RBFOX1: variants seen among roughly 807,000 people sequenced by gnomAD.
RBFOX1 encodes RNA binding protein fox-1 homolog 1.
A neutral mutation model predicts 57.7 loss-of-function variants in RBFOX1; 8 were observed. The ratio of observed to expected loss-of-function variants is 0.14; its 90% CI spans 0.08 to 0.25. The LOEUF (loss-of-function observed/expected upper bound fraction) is 0.25. Ranked by LOEUF, RBFOX1 falls within the 10% of genes least tolerant of loss-of-function variation. The probability of loss-of-function intolerance (pLI) is 1.00; values close to 1 mark genes in which losing one functional copy is unlikely to be tolerated. For synonymous variants in RBFOX1, 326 were observed against 222.4 expected, an observed-to-expected ratio of 1.47 and a Z score of -4.15; for missense variants, 611 against 548.5, an observed-to-expected ratio of 1.11 and a Z score of -1.14.
At chr16:7,619,530 A>G (rs1053642877) in intron 10 of RBFOX1, among the ~76,000 whole-genome samples, 1 of 152,214 alleles carries the variant, frequency 6.6e-6, no homozygotes, top group Non-Finnish European at 1.5e-5. Flanking sequence ...AGGCAATTCA[A>G]GATGAAGGAT....
chr16:6,796,144 C>T (rs558106202), intron 3 of RBFOX1, among the ~76,000 whole-genome samples: 2 of 152,064 alleles, frequency 1.3e-5, no homozygotes, highest in Admixed American at 6.5e-5. Context: ...AGGTATGTCT[C>T]ACATGGTGGC....
intron 1 of RBFOX1, among the ~76,000 whole-genome samples, chr16:6,150,196 C>A (rs1047388997): frequency 6.6e-6 from 1 of 152,100 alleles, no homozygotes; most frequent in Non-Finnish European, 1.5e-5. Context: ...TATCGTGAGA[C>A]CAGAGAGGGT....
intron 1 of RBFOX1, among the ~76,000 whole-genome samples, chr16:6,122,977 G>A (rs192458555): frequency 2.6e-5 from 4 of 151,616 alleles, no homozygotes; most frequent in East Asian, 3.9e-4. Flanking sequence ...AAAAACTATT[G>A]GAAATATGTA....
rs528719474 is a variant in RBFOX1, at chr16:7,403,986, A to T, written c.28-114161A>T. 5.7e-4 allele frequency among the ~76,000 whole-genome samples: 86 copies of T among 150,476 alleles called. 1 individual carries two copies. Among genetic ancestry groups the T allele is most frequent in the African/African-American group, 2.1e-3 (86 of 41,316 alleles). On this transcript the variant is annotated intron_variant, in intron 4 of 15. Coordinates refer to ENST00000550418, the MANE Select transcript of RBFOX1 (RefSeq NM_018723.4). Reference sequence around the variant, plus strand: ...TTAAGTTGTTTTTATTATTGTGAATATGCCGCAGTGAACATGGGAGTGCAT... The same window carrying T: ...TTAAGTTGTTTTTATTATTGTGAATTTGCCGCAGTGAACATGGGAGTGCAT...
intron 2 of RBFOX1, among the ~76,000 whole-genome samples, chr16:6,623,975 G>A (rs2098270438): frequency 6.6e-6 from 1 of 152,146 alleles, no homozygotes; most frequent in Non-Finnish European, 1.5e-5. Context: ...GGATTGCTGG[G>A]TCAAATGGTA....
At chr16:6,451,087 G>A (rs916154118) in intron 2 of RBFOX1, among the ~76,000 whole-genome samples, 7 of 150,828 alleles carry the variant, frequency 4.6e-5, no homozygotes, top group Non-Finnish European at 8.8e-5. Flanking sequence ...CAGTTACCCC[G>A]ATGTCCACTC....
At chr16:7,563,695 C>G (rs1184082051) in intron 5 of RBFOX1, among the ~76,000 whole-genome samples, 1 of 152,120 alleles carries the variant, frequency 6.6e-6, no homozygotes, top group East Asian at 1.9e-4. Flanking sequence ...GTCTCCAACT[C>G]CTGACCTCGT....
chr16:6,277,390 G>A (rs1230378477), intron 1 of RBFOX1, among the ~76,000 whole-genome samples: 1 of 144,188 alleles, frequency 6.9e-6, no homozygotes, highest in Admixed American at 7.1e-5. Flanking sequence ...ATGGGAGGCT[G>A]AGGCAGCATT....
intron 3 of RBFOX1, among the ~76,000 whole-genome samples, chr16:6,739,623 T>A (rs1022745497): frequency 6.6e-6 from 1 of 152,068 alleles, no homozygotes; most frequent in Admixed American, 6.6e-5. Context: ...ATGCCTGTAA[T>A]CCCAGCACTT....
chr16:6,264,306 C>T (rs2097719966), intron 1 of RBFOX1, among the ~76,000 whole-genome samples: 2 of 152,200 alleles, frequency 1.3e-5, no homozygotes, highest in South Asian at 4.1e-4. Context: ...CATATCCCTG[C>T]ATGAACTTGG....
At chr16:7,378,466 C>T (rs1358497629) in intron 4 of RBFOX1, among the ~76,000 whole-genome samples, 1 of 152,146 alleles carries the variant, frequency 6.6e-6, no homozygotes, top group Non-Finnish European at 1.5e-5. Flanking sequence ...GTCTTCCAAG[C>T]CTTCTGAGCC....
intron 14 of RBFOX1, among the ~76,000 whole-genome samples, chr16:7,683,516 A>T (rs537814634): frequency 9.2e-5 from 14 of 152,232 alleles, no homozygotes; most frequent in Admixed American, 2.0e-4. Context: ...TGGACCACCA[A>T]GGAGTTGGGG....
At chr16:6,999,823 G>A (rs1464609207) in intron 3 of RBFOX1, among the ~76,000 whole-genome samples, 1 of 152,128 alleles carries the variant, frequency 6.6e-6, no homozygotes, top group Non-Finnish European at 1.5e-5. Flanking sequence ...TGTAATCCCA[G>A]TATTTTGGGA....
At chr16:7,685,470 G>C (rs1237290737) in intron 14 of RBFOX1, among the ~76,000 whole-genome samples, 1 of 152,042 alleles carries the variant, frequency 6.6e-6, no homozygotes, top group Admixed American at 6.6e-5. Context: ...ATATAAAGGA[G>C]TACCTGAAAA....
intron 1 of RBFOX1, among the ~76,000 whole-genome samples, chr16:6,112,761 A>G (rs866779645): frequency 6.6e-6 from 1 of 152,186 alleles, no homozygotes; most frequent in Non-Finnish European, 1.5e-5. Flanking sequence ...CCAGAGTTTG[A>G]TATAAAGAAG....
intron 4 of RBFOX1, among the ~76,000 whole-genome samples, chr16:7,479,796 C>A (rs2063511482): frequency 6.6e-6 from 1 of 152,126 alleles, no homozygotes; most frequent in African/African-American, 2.4e-5. Flanking sequence ...CCCAGCATGT[C>A]GAATTTGTAA....
At chr16:7,177,555 T>G (rs1032914248) in intron 4 of RBFOX1, among the ~76,000 whole-genome samples, 1 of 152,158 alleles carries the variant, frequency 6.6e-6, no homozygotes, top group Admixed American at 6.5e-5. Context: ...ACCTTGTGTC[T>G]TATTTTCAGG....
chr16:7,240,482 T>C (rs2093999210), intron 4 of RBFOX1, among the ~76,000 whole-genome samples: 1 of 151,972 alleles, frequency 6.6e-6, no homozygotes. Flanking sequence ...GAAGGAGGAG[T>C]ATGTTATTTT....
chr16:6,128,362 C>G (rs2096605142), intron 1 of RBFOX1, among the ~76,000 whole-genome samples: 1 of 152,146 alleles, frequency 6.6e-6, no homozygotes, highest in Non-Finnish European at 1.5e-5. Context: ...AGCCATGATG[C>G]TACAACTGAT....
Sources: gnomAD v4.1 joint callset for allele counts (sites outside exome capture counted in the v4.1 genomes callset) on GRCh38, gnomAD v4.1.1 for gene constraint, MANE v1.5 for transcripts, NCBI Gene and HGNC (gene_info 2026-07-23, HGNC 2026-07-21) for gene names.